Variants in DEPDC1B observed in about 807,000 individuals in gnomAD.
DEPDC1B encodes the protein DEP domain-containing protein 1B.
A neutral mutation model predicts 66.5 loss-of-function variants in DEPDC1B; 51 were observed. The observed-to-expected ratio is 0.77, with a 90% CI of 0.61 to 0.97. The LOEUF is 0.97. Among genes scored for constraint, DEPDC1B ranks in the 50% least tolerant of loss-of-function variants. DEPDC1B has a pLI of 0.00. For missense variants in DEPDC1B, 552 were observed against 637.1 expected (o/e 0.87, Z 1.44); for synonymous variants, 226 against 223.6 (o/e 1.01, Z -0.10).
chr5:60,693,372 T>G (rs1412651483), intron 1 of DEPDC1B, among the ~76,000 whole-genome samples: 1 of 152,028 alleles, frequency 6.6e-6, no homozygotes, highest in Non-Finnish European at 1.5e-5. Flanking sequence ...AAATAATGAA[T>G]AGTAGAAAGG....
At chr5:60,652,633 A>G (rs2111908623) in intron 2 of DEPDC1B, among the ~76,000 whole-genome samples, 1 of 148,866 alleles carries the variant, frequency 6.7e-6, no homozygotes, top group South Asian at 2.2e-4. Context: ...ATAAGTCTTG[A>G]GGGACAGGTG....
chr5:60,699,443 G>GGAAAAAAAAAAAAAAA (rs1754727709), intron 1 of DEPDC1B, among the ~76,000 whole-genome samples: 1 of 89,380 alleles, frequency 1.1e-5, no homozygotes, highest in African/African-American at 5.5e-5. Context: ...TTTTCTCCCA[G>GGAAAAAAAAAAAAAAA]AAAAAAAAAA....
At chr5:60,675,460 C>A (rs1293683265) in intron 2 of DEPDC1B, among the ~76,000 whole-genome samples, 2 of 151,962 alleles carry the variant, frequency 1.3e-5, no homozygotes, top group East Asian at 3.8e-4. Context: ...ACTTAGACAC[C>A]CACTAAACAC....
At chr5:60,616,877 C>T (rs1399619465) in intron 7 of DEPDC1B, among the ~76,000 whole-genome samples, 4 of 152,126 alleles carry the variant, frequency 2.6e-5, no homozygotes, top group Non-Finnish European at 5.9e-5. Flanking sequence ...ATGTTAAGGG[C>T]AGCCAGAGAG....
At chr5:60,674,264 A>C (rs1164849428) in intron 2 of DEPDC1B, among the ~76,000 whole-genome samples, 2 of 152,234 alleles carry the variant, frequency 1.3e-5, no homozygotes, top group African/African-American at 4.8e-5. Flanking sequence ...AGGATTTGAA[A>C]TTATCATGAG....
At position 60,693,022 on chromosome 5, in the gene DEPDC1B, G is replaced by A. The variant is rs1040751147; in HGVS notation, c.49-5795C>T. ...CAAGTGGGGGAAAGGAGACTTCTGC[G>A]GTGCTAGTAATATGATATTCCTTGA... On this transcript the variant is annotated intron_variant, in intron 1 of 10. Coordinates refer to ENST00000265036, the MANE Select transcript of DEPDC1B (RefSeq NM_018369.3). Among the ~76,000 whole-genome samples, 53 of 151,986 alleles carry A rather than the reference G, an allele frequency of 3.5e-4. 3 individuals are homozygous for A. Among genetic ancestry groups the A allele is most frequent in the Non-Finnish European group, 4.4e-5 (3 of 67,988 alleles).
chr5:60,691,747 T>C (rs953970085), intron 1 of DEPDC1B, among the ~76,000 whole-genome samples: 1 of 152,104 alleles, frequency 6.6e-6, no homozygotes. Flanking sequence ...ATCAGTGCAA[T>C]GTAAAAGAAC....
At chr5:60,603,337 T>C in intron 9 of DEPDC1B, 54 bp downstream of exon 9, 1 of 1,438,258 alleles carries the variant, frequency 7.0e-7, no homozygotes. Context: ...CCTAGCAAGC[T>C]TACGTGACTT....
chr5:60,612,482 A>T (rs914085945), intron 7 of DEPDC1B, among the ~76,000 whole-genome samples: 1 of 150,496 alleles, frequency 6.6e-6, no homozygotes. Context: ...CAGAAATGAC[A>T]ACACATGGTT....
chr5:60,635,524 C>T (rs1484510964), intron 7 of DEPDC1B, among the ~76,000 whole-genome samples: 1 of 152,166 alleles, frequency 6.6e-6, no homozygotes, highest in Admixed American at 6.5e-5. Flanking sequence ...CTCAGTATTC[C>T]AGCCTCCTAA....
chr5:60,654,365 TC>T (rs1436959844), intron 2 of DEPDC1B, among the ~76,000 whole-genome samples: 2 of 148,140 alleles, frequency 1.4e-5, no homozygotes, highest in African/African-American at 2.6e-5. Context: ...GTTTTTTTTT[TC>T]TTTTTTTTTG....
At chr5:60,658,284 CT>C (rs1156996718) in intron 2 of DEPDC1B, among the ~76,000 whole-genome samples, 1 of 152,178 alleles carries the variant, frequency 6.6e-6, no homozygotes, top group Non-Finnish European at 1.5e-5. Flanking sequence ...CTTCACAATT[CT>C]TTTTCTGGCA....
At chr5:60,691,037 G>A (rs1407797011) in intron 1 of DEPDC1B, among the ~76,000 whole-genome samples, 1 of 149,128 alleles carries the variant, frequency 6.7e-6, no homozygotes, top group Non-Finnish European at 1.5e-5. Context: ...GTGCTTAATC[G>A]ATCTTTCACT....
At chr5:60,599,397 ACT>A in intron 9 of DEPDC1B, 137 bp from the exon 10 acceptor site, 3 of 514,472 alleles carry the variant, frequency 5.8e-6, no homozygotes, top group Non-Finnish European at 9.2e-6. Context: ...ATTGGGGGAA[ACT>A]CTATATTGAA....
intron 7 of DEPDC1B, among the ~76,000 whole-genome samples, chr5:60,615,516 G>C (rs1217519096): frequency 1.3e-5 from 2 of 152,204 alleles, no homozygotes; most frequent in South Asian, 2.1e-4. Flanking sequence ...GCCTGGCTCG[G>C]AGGGTCCTAC....
At chr5:60,637,827 A>G (rs992729012) in intron 7 of DEPDC1B, among the ~76,000 whole-genome samples, 1 of 152,256 alleles carries the variant, frequency 6.6e-6, no homozygotes, top group Admixed American at 6.5e-5. Flanking sequence ...CTATAAAAGC[A>G]TAAAATCCAA....
intron 7 of DEPDC1B, among the ~76,000 whole-genome samples, chr5:60,611,578 C>T (rs968334793): frequency 2.0e-5 from 3 of 152,250 alleles, no homozygotes; most frequent in African/African-American, 7.2e-5. Context: ...TAAAGTGCCA[C>T]TCCAGTGAGC....
intron 1 of DEPDC1B, among the ~76,000 whole-genome samples, chr5:60,695,916 A>C (rs1754643985): frequency 6.6e-6 from 1 of 152,102 alleles, no homozygotes; most frequent in Non-Finnish European, 1.5e-5. Context: ...CTCCTGCCTC[A>C]GCCTCCCAAG....
At chr5:60,699,952 T>C (rs1754747360) in intron 1 of DEPDC1B, 94 bp downstream of exon 1, 3 of 1,453,226 alleles carry the variant, frequency 2.1e-6, no homozygotes, top group Non-Finnish European at 2.8e-6. Context: ...CCCGCTGGCC[T>C]GCGGAAGCGA....
Sources: allele counts gnomAD v4.1 joint callset (sites outside exome capture counted in the v4.1 genomes callset), GRCh38; gene constraint gnomAD v4.1.1; transcripts MANE v1.5; gene names NCBI Gene and HGNC (gene_info 2026-07-23, HGNC 2026-07-21).